The following FER1L6 variants were observed in gnomAD, a reference collection of about 807,000 sequenced individuals.
FER1L6 encodes the protein fer-1 like family member 6.
Under a neutral mutation model 219.2 loss-of-function variants are expected in FER1L6, and 177 were observed. The observed-to-expected ratio is 0.81, with a 90% confidence interval of 0.71 to 0.91. The LOEUF is 0.91. FER1L6 is among the 40% of genes least tolerant of loss of function. The probability of loss-of-function intolerance (pLI) is 0.00; values close to 1 mark genes in which losing one functional copy is unlikely to be tolerated. For missense variants in FER1L6, 2,153 were observed against 2,259.9 expected (o/e 0.95, Z 0.96); for synonymous variants, 768 against 824.3 (o/e 0.93, Z 1.17).
chr8:123,855,870 G>A (rs1172920863), intron 1 of FER1L6, among the ~76,000 whole-genome samples: 1 of 145,386 alleles, frequency 6.9e-6, no homozygotes, highest in Non-Finnish European at 1.5e-5. Flanking sequence ...AATATATTAT[G>A]TATTAATGTA....
intron 1 of FER1L6, among the ~76,000 whole-genome samples, chr8:123,888,024 T>C (rs2129686661): frequency 6.6e-6 from 1 of 152,294 alleles, no homozygotes; most frequent in African/African-American, 2.4e-5. Flanking sequence ...TTGGGGCTTG[T>C]TTGTTACTGC....
chr8:124,019,117 C>A (rs1054922851), intron 16 of FER1L6, among the ~76,000 whole-genome samples: 4 of 152,188 alleles, frequency 2.6e-5, no homozygotes, highest in Non-Finnish European at 5.9e-5. Context: ...CTCAATCATT[C>A]ATAGGATAAA....
At chr8:124,034,600 G>C (rs947730038) in intron 18 of FER1L6, among the ~76,000 whole-genome samples, 5 of 152,184 alleles carry the variant, frequency 3.3e-5, no homozygotes, top group Non-Finnish European at 7.3e-5. Context: ...ACATTCAAAA[G>C]AGAGAGAGCA....
chr8:124,035,332 TGTGGC>T lies in FER1L6; in HGVS notation c.2343_2347del (p.Trp782GlyfsTer18). ...GTGCAAGCAAAAGTCGACGTGTACC[TGTGGC>T]TGGGCTCCATCAAGCATGCCAGTGC... On this transcript the variant is annotated frameshift_variant, in exon 19 of 41. Transcript: ENST00000522917. LOFTEE classifies it high-confidence loss of function. 1 of 1,614,162 alleles carries T rather than the reference TGTGGC, an allele frequency of 6.2e-7. No individual in the cohort carries two copies. Among genetic ancestry groups the T allele is most frequent in the Non-Finnish European group, 8.5e-7 (1 of 1,180,000 alleles).
intron 11 of FER1L6, among the ~76,000 whole-genome samples, chr8:123,981,223 A>T (rs886332660): frequency 2.6e-5 from 4 of 152,156 alleles, no homozygotes; most frequent in African/African-American, 9.7e-5. Flanking sequence ...AGTAGGTGAC[A>T]AGCTGGGATA....
chr8:123,969,682 G>A (rs979953446), intron 5 of FER1L6, among the ~76,000 whole-genome samples: 5 of 151,854 alleles, frequency 3.3e-5, no homozygotes, highest in African/African-American at 1.2e-4. Flanking sequence ...GCAACATAGT[G>A]AGAACCTGTC....
intron 1 of FER1L6, among the ~76,000 whole-genome samples, chr8:123,911,417 T>C (rs912072852): frequency 1.3e-5 from 2 of 152,202 alleles, no homozygotes; most frequent in African/African-American, 4.8e-5. Context: ...CCAGGCAGTG[T>C]CATGCTTCAC....
intron 2 of FER1L6, among the ~76,000 whole-genome samples, chr8:123,960,471 C>T (rs1380178558): frequency 6.6e-6 from 1 of 152,182 alleles, no homozygotes; most frequent in Admixed American, 6.5e-5. Flanking sequence ...TTCCTAAATG[C>T]GTGTGTACTG....
intron 39 of FER1L6, among the ~76,000 whole-genome samples, chr8:124,117,016 A>T (rs1823275595): frequency 6.6e-6 from 1 of 152,196 alleles, no homozygotes; most frequent in South Asian, 2.1e-4. Context: ...GATTATGAAG[A>T]CAATTATGGA....
intron 1 of FER1L6, among the ~76,000 whole-genome samples, chr8:123,912,101 C>T (rs986484969): frequency 6.6e-6 from 1 of 152,132 alleles, no homozygotes; most frequent in African/African-American, 2.4e-5. Context: ...TGGTACTCAT[C>T]AAAGTGGGAG....
chr8:124,003,272 A>T lies in FER1L6; in HGVS notation c.1625A>T (p.Asp542Val). 2 of 1,613,890 alleles carry T rather than the reference A, an allele frequency of 1.2e-6. No homozygotes were observed. The highest frequency in any genetic ancestry group is 1.7e-6 in the Non-Finnish European group (2 of 1,179,962). The change falls in exon 13 of 41, where the codon GAT becomes GTT. Residue 542 changes from aspartate to valine, a missense_variant. Coordinates refer to ENST00000522917, the MANE Select transcript of FER1L6 (RefSeq NM_001039112.2). Reference protein sequence around the residue: ...LLPLLHEGQGDVAHDVPIPMA... With the variant: ...LLPLLHEGQGVVAHDVPIPMA... Reference sequence around the variant, plus strand: ...CCACTGCTTCACGAAGGGCAAGGGGATGTGGCCCATGATGTTCCCATTCCT... The same window carrying T: ...CCACTGCTTCACGAAGGGCAAGGGGTTGTGGCCCATGATGTTCCCATTCCT...
At chr8:124,068,214 C>T (rs1402804733) in intron 28 of FER1L6, among the ~76,000 whole-genome samples, 1 of 152,188 alleles carries the variant, frequency 6.6e-6, no homozygotes, top group Non-Finnish European at 1.5e-5. Context: ...CAAATGACCA[C>T]AAACTCAATT....
Position 123,852,659 on chromosome 8 carries a change from T to C in FER1L6, c.-8+474T>C, listed in dbSNP as rs1816535692. 6.6e-6 allele frequency among the ~76,000 whole-genome samples: 1 copy of C among 152,134 alleles called. No homozygotes were observed. Among genetic ancestry groups the C allele is most frequent in the Admixed American group, 6.6e-5 (1 of 15,266 alleles). On this transcript the variant is annotated intron_variant, in intron 1 of 40. Coordinates refer to ENST00000522917, the MANE Select transcript of FER1L6 (RefSeq NM_001039112.2). The surrounding 1 kb of genome is among the most constrained non-coding windows in gnomAD (Gnocchi z 4.9). ...ATTGTTAGACTTTTAAAACATAAAT[T>C]TTTATTTTACAGAAAAGTTGCAAAG...
intron 34 of FER1L6, among the ~76,000 whole-genome samples, 193 bp downstream of exon 34, chr8:124,091,776 G>A (rs1295307217): frequency 6.6e-6 from 1 of 152,020 alleles, no homozygotes; most frequent in Non-Finnish European, 1.5e-5. Flanking sequence ...AGAGCAGCCT[G>A]GCCAACATGG....
chr8:123,860,077 C>A (rs1816719719), intron 1 of FER1L6, among the ~76,000 whole-genome samples: 2 of 138,118 alleles, frequency 1.4e-5, no homozygotes, highest in South Asian at 2.3e-4. Flanking sequence ...TGCACTGCAC[C>A]CACTAACTCG....
chr8:123,932,492 A>T (rs1395401724), intron 1 of FER1L6, among the ~76,000 whole-genome samples: 2 of 152,212 alleles, frequency 1.3e-5, no homozygotes, highest in East Asian at 3.8e-4. Context: ...TTTAATATAA[A>T]TTCATTTGAA....
chr8:123,873,701 T>C (rs1816961346), intron 1 of FER1L6, among the ~76,000 whole-genome samples: 1 of 152,178 alleles, frequency 6.6e-6, no homozygotes, highest in Admixed American at 6.5e-5. Flanking sequence ...CATTACCCTC[T>C]CCAGCAATGC....
chr8:124,089,444 T>C (rs1416888966), intron 33 of FER1L6, among the ~76,000 whole-genome samples: 1 of 152,240 alleles, frequency 6.6e-6, no homozygotes, highest in Non-Finnish European at 1.5e-5. Flanking sequence ...TAGTGCCTCT[T>C]TACTTAATAT....
chr8:124,068,402 T>C (rs1246366977), intron 28 of FER1L6, among the ~76,000 whole-genome samples: 1 of 152,184 alleles, frequency 6.6e-6, no homozygotes, highest in African/African-American at 2.4e-5. Flanking sequence ...TATCTTCACC[T>C]TGCAAATGAT....
Sources: gnomAD v4.1 joint callset for allele counts (sites outside exome capture counted in the v4.1 genomes callset) on GRCh38, gnomAD v4.1.1 for gene constraint, Gnocchi (gnomAD v3.1) non-coding constraint, MANE v1.5 for transcripts, NCBI Gene and HGNC (gene_info 2026-07-23, HGNC 2026-07-21) for gene names.